Variants in PITPNB observed in about 807,000 individuals in gnomAD.
The protein encoded by PITPNB is phosphatidylinositol transfer protein beta, also known as phosphatidylinositol transfer protein beta isoform.
PITPNB carries 16 observed loss-of-function variants against 45.9 expected under a neutral mutation model. That is an observed-to-expected ratio of 0.35 (90% CI 0.24 to 0.53). PITPNB has a LOEUF of 0.53. Among genes scored for constraint, PITPNB ranks in the 20% least tolerant of loss-of-function variants. The pLI is 0.93. For synonymous variants in PITPNB, 112 were observed against 108.9 expected (o/e 1.03, Z -0.18); for missense variants, 188 against 330.5 (o/e 0.57, Z 3.34).
chr22:27,871,625 C>G (rs9608650), intron 8 of PITPNB, among the ~76,000 whole-genome samples: 1 of 152,194 alleles, frequency 6.6e-6, no homozygotes, highest in Admixed American at 6.5e-5. Flanking sequence ...AGCTAGAAAT[C>G]TGGAAAAGGC....
intron 3 of PITPNB, among the ~76,000 whole-genome samples, chr22:27,907,986 C>T (rs1935812361): frequency 6.6e-6 from 1 of 151,900 alleles, no homozygotes; most frequent in African/African-American, 2.4e-5. Context: ...AGGTTGGCCA[C>T]CGAGAGCCAA....
intron 3 of PITPNB, among the ~76,000 whole-genome samples, chr22:27,905,190 C>T (rs894745734): frequency 3.9e-5 from 6 of 152,188 alleles, no homozygotes; most frequent in African/African-American, 1.4e-4. Flanking sequence ...ACTCTTGTCT[C>T]CCAGGCTGGA....
chr22:27,918,987 G>A, intron 1 of PITPNB, 185 bp downstream of exon 1: 1 of 835,116 alleles, frequency 1.2e-6, no homozygotes. Flanking sequence ...CCACGGCAAT[G>A]CCTGGAGGGC....
At chr22:27,891,771 A>T (rs1451696886) in intron 7 of PITPNB, among the ~76,000 whole-genome samples, 1 of 152,136 alleles carries the variant, frequency 6.6e-6, no homozygotes, top group Non-Finnish European at 1.5e-5. Flanking sequence ...GCCATGCAGA[A>T]CTGTGAGTGA....
intron 3 of PITPNB, among the ~76,000 whole-genome samples, chr22:27,910,230 G>A (rs999296788): frequency 2.6e-5 from 4 of 152,038 alleles, no homozygotes; most frequent in Admixed American, 6.6e-5. Context: ...GATTACAAGC[G>A]TGAGCCACCG....
rs1934795100 is a variant in PITPNB, at chr22:27,875,457, C to T, written c.457-1642G>A. On this transcript the variant is annotated intron_variant, in intron 7 of 11. Coordinates refer to ENST00000335272, the MANE Select transcript of PITPNB (RefSeq NM_012399.5). The stretch of plus-strand genomic sequence containing the variant: ...TTAAACTACAATTTTGAACTGCATC[C>T]TAAAAATGAATAACTCCACTTCTGA... Among the ~76,000 whole-genome samples, 3 of 152,204 alleles carry T rather than the reference C, an allele frequency of 2.0e-5. No individual in the cohort carries two copies. In the South Asian group the frequency reaches 6.2e-4, roughly 32 times the overall value.
intron 3 of PITPNB, among the ~76,000 whole-genome samples, chr22:27,899,590 T>A (rs2146407353): frequency 6.6e-6 from 1 of 152,300 alleles, no homozygotes; most frequent in African/African-American, 2.4e-5. Flanking sequence ...CCCAAAGTGC[T>A]GGTATTACAG....
chr22:27,883,068 C>G (rs961509257), intron 7 of PITPNB, among the ~76,000 whole-genome samples: 2 of 152,166 alleles, frequency 1.3e-5, no homozygotes, highest in Admixed American at 1.3e-4. Flanking sequence ...CAAAATACAT[C>G]AGAGTTCAGC....
chr22:27,863,400 A>C (rs886759920), intron 8 of PITPNB, among the ~76,000 whole-genome samples: 3 of 152,186 alleles, frequency 2.0e-5, no homozygotes, highest in Non-Finnish European at 4.4e-5. Flanking sequence ...TTGACATCCA[A>C]TGACTTGTCC....
intron 2 of PITPNB, among the ~76,000 whole-genome samples, chr22:27,911,668 C>G (rs1935927915): frequency 6.6e-6 from 1 of 152,148 alleles, no homozygotes; most frequent in Admixed American, 6.5e-5. Context: ...TCATTTTTAA[C>G]TTATGACTTA....
At chr22:27,865,042 C>A (rs554846284) in intron 8 of PITPNB, among the ~76,000 whole-genome samples, 3 of 151,978 alleles carry the variant, frequency 2.0e-5, no homozygotes, top group Non-Finnish European at 2.9e-5. Flanking sequence ...ATGTATGGTA[C>A]AAACATTCCT....
At chr22:27,868,123 T>C (rs1569008707) in intron 8 of PITPNB, among the ~76,000 whole-genome samples, 1 of 152,192 alleles carries the variant, frequency 6.6e-6, no homozygotes, top group Non-Finnish European at 1.5e-5. Flanking sequence ...AATGTGAGAT[T>C]ACAGGGAGGG....
intron 1 of PITPNB, among the ~76,000 whole-genome samples, chr22:27,918,330 ATAC>A (rs1425578709): frequency 2.0e-5 from 3 of 152,198 alleles, no homozygotes; most frequent in Non-Finnish European, 2.9e-5. Context: ...CGAATGGGCC[ATAC>A]TCGACCTCCC....
chr22:27,868,430 C>G (rs1456455481), intron 8 of PITPNB, among the ~76,000 whole-genome samples: 1 of 152,218 alleles, frequency 6.6e-6, no homozygotes, highest in Non-Finnish European at 1.5e-5. Flanking sequence ...AACATCTTTT[C>G]ACAGACATGG....
At chr22:27,859,292 G>C (rs566290621) in intron 9 of PITPNB, among the ~76,000 whole-genome samples, 19 of 152,188 alleles carry the variant, frequency 1.2e-4, no homozygotes, top group Non-Finnish European at 2.2e-4. Context: ...ACTGTAAGCA[G>C]GCCCATGAAT....
rs1934073677 is a variant in PITPNB at position 27,853,171 on chromosome 22, A to G, written c.*531T>C. Reference sequence around the variant, plus strand: ...GTGGGAGTCTACTGCTTATGGGACTAAAAAAAAATTTATAACAGACTGACT... The same window carrying G: ...GTGGGAGTCTACTGCTTATGGGACTGAAAAAAAATTTATAACAGACTGACT... On this transcript the variant is annotated 3_prime_UTR_variant, in exon 12 of 12. Coordinates refer to ENST00000335272, the MANE Select transcript of PITPNB (RefSeq NM_012399.5). 1 of 153,232 alleles carries G rather than the reference A, an allele frequency of 6.5e-6. No individual in the cohort carries two copies. Among genetic ancestry groups the G allele is most frequent in the Non-Finnish European group, 1.5e-5 (1 of 68,724 alleles). 9.5% of individuals were successfully genotyped at this position (153,232 alleles called of 1,614,324 possible).
At chr22:27,893,438 C>T (rs1052351366) in intron 7 of PITPNB, among the ~76,000 whole-genome samples, 3 of 151,878 alleles carry the variant, frequency 2.0e-5, no homozygotes, top group African/African-American at 7.3e-5. Context: ...GCGCCCACCA[C>T]CATACCGGCT....
chr22:27,892,261 T>C (rs1455944154), intron 7 of PITPNB, among the ~76,000 whole-genome samples: 1 of 152,196 alleles, frequency 6.6e-6, no homozygotes, highest in Non-Finnish European at 1.5e-5. Context: ...CCTCCACGGT[T>C]CTTGTGCAAT....
intron 8 of PITPNB, 119 bp downstream of exon 8, chr22:27,873,619 A>AG (rs1934733875): frequency 4.5e-6 from 3 of 672,114 alleles, no homozygotes; most frequent in Non-Finnish European, 8.1e-6. Context: ...ATCGCAAATA[A>AG]AACTATTTTT....
Sources: gnomAD v4.1 joint callset for allele counts (sites outside exome capture counted in the v4.1 genomes callset) on GRCh38, gnomAD v4.1.1 for gene constraint, MANE v1.5 for transcripts, NCBI Gene and HGNC (gene_info 2026-07-23, HGNC 2026-07-21) for gene names.